The following PPM1L variants were observed in gnomAD, a reference collection of about 807,000 sequenced individuals.
PPM1L encodes the protein protein phosphatase, Mg2+/Mn2+ dependent 1L.
PPM1L carries 13 observed loss-of-function variants against 31.4 expected under a neutral mutation model. The ratio of observed to expected loss-of-function variants is 0.41; its 90% CI spans 0.27 to 0.66. PPM1L has a LOEUF of 0.66. PPM1L is among the 30% of genes least tolerant of loss of function. The pLI is 0.29. For missense variants in PPM1L, 326 were observed against 453.7 expected (o/e 0.72, Z 2.56); for synonymous variants, 184 against 175.4 (o/e 1.05, Z -0.39).
In PPM1L at chr3:161,069,169, G is replaced by A; in HGVS notation, c.*12G>A. On this transcript the variant is annotated 3_prime_UTR_variant, in exon 4 of 4. Transcript: ENST00000498165. ...CAGAAGAGCAGTGAACCCTTCAGGG[G>A]TCTCAGCTGCCTTAGACTAAAGGAC... 1 of 1,592,810 alleles carries A rather than the reference G, an allele frequency of 6.3e-7. No homozygotes were observed. The highest frequency in any genetic ancestry group is 1.1e-5 in the South Asian group (1 of 89,150).
intron 1 of PPM1L, among the ~76,000 whole-genome samples, chr3:160,884,418 CA>C (rs1712839414): frequency 6.6e-6 from 1 of 152,088 alleles, no homozygotes; most frequent in South Asian, 2.1e-4. Context: ...AAAGGAAAGA[CA>C]TTTTAAAGAA....
At chr3:161,017,393 A>G (rs1297328551) in intron 2 of PPM1L, among the ~76,000 whole-genome samples, 3 of 152,156 alleles carry the variant, frequency 2.0e-5, no homozygotes, top group African/African-American at 7.2e-5. Context: ...TCTTGACACA[A>G]TTGATTATGT....
intron 1 of PPM1L, among the ~76,000 whole-genome samples, chr3:160,828,114 C>T (rs1713411265): frequency 6.6e-6 from 1 of 152,056 alleles, no homozygotes; most frequent in Non-Finnish European, 1.5e-5. Context: ...TTGGTGATTA[C>T]ATTTCAGCAT....
chr3:160,870,505 A>G (rs1437774099), intron 1 of PPM1L: 2 of 152,222 alleles, frequency 1.3e-5, no homozygotes, highest in Non-Finnish European at 2.9e-5. Flanking sequence ...AGTTGATGAC[A>G]TCACAGTAAT....
At chr3:161,011,045 C>A (rs907334863) in intron 2 of PPM1L, among the ~76,000 whole-genome samples, 3 of 152,174 alleles carry the variant, frequency 2.0e-5, no homozygotes, top group Admixed American at 2.0e-4. Flanking sequence ...TCAATTTTGG[C>A]TTTTGTTGCC....
At chr3:160,918,563 T>C (rs185746608) in intron 1 of PPM1L, among the ~76,000 whole-genome samples, 1 of 152,314 alleles carries the variant, frequency 6.6e-6, no homozygotes, top group East Asian at 1.9e-4. Context: ...GCATAAATAT[T>C]CTAGCATAAT....
intron 2 of PPM1L, among the ~76,000 whole-genome samples, chr3:161,011,926 A>G (rs1717907829): frequency 6.6e-6 from 1 of 152,158 alleles, no homozygotes; most frequent in African/African-American, 2.4e-5. Context: ...GGCTGAGACG[A>G]TGGGGTTTTC....
intron 2 of PPM1L, among the ~76,000 whole-genome samples, chr3:161,016,663 A>G (rs184370963): frequency 1.3e-5 from 2 of 152,214 alleles, no homozygotes; most frequent in African/African-American, 4.8e-5. Flanking sequence ...GAGGCATGGT[A>G]CAAATATATT....
intron 2 of PPM1L, among the ~76,000 whole-genome samples, chr3:161,031,456 AGAATAGCT>A (rs1718560847): frequency 6.6e-6 from 1 of 150,500 alleles, no homozygotes; most frequent in South Asian, 2.1e-4. Context: ...ACTCTGTGAC[AGAATAGCT>A]CTTCTCTGAC....
At chr3:160,866,231 A>G (rs1712082399) in intron 1 of PPM1L, among the ~76,000 whole-genome samples, 1 of 152,234 alleles carries the variant, frequency 6.6e-6, no homozygotes, top group Admixed American at 6.5e-5. Context: ...TGTATTTAGT[A>G]CTATACAAAA....
chr3:160,928,717 C>G (rs1055497408), intron 1 of PPM1L, among the ~76,000 whole-genome samples: 11 of 152,122 alleles, frequency 7.2e-5, no homozygotes, highest in African/African-American at 2.7e-4. Flanking sequence ...TATAAGAGGG[C>G]TGGAGGGAAC....
chr3:160,811,260 C>T (rs766844390), intron 1 of PPM1L, among the ~76,000 whole-genome samples: 9 of 152,332 alleles, frequency 5.9e-5, no homozygotes, highest in Non-Finnish European at 1.2e-4. Context: ...TCTTCTATCC[C>T]CCTCTTTTCT....
At chr3:160,850,807 A>G (rs988547697) in intron 1 of PPM1L, among the ~76,000 whole-genome samples, 5 of 151,396 alleles carry the variant, frequency 3.3e-5, no homozygotes, top group Non-Finnish European at 7.4e-5. Context: ...GCTCCATGTC[A>G]TGACTCTACC....
intron 1 of PPM1L, among the ~76,000 whole-genome samples, chr3:160,878,270 A>G (rs1485068279): frequency 6.6e-6 from 1 of 151,934 alleles, no homozygotes; most frequent in Non-Finnish European, 1.5e-5. Flanking sequence ...GGCATGGAAT[A>G]GTAGTTCAGG....
intron 2 of PPM1L, among the ~76,000 whole-genome samples, chr3:161,046,280 A>G (rs1719065821): frequency 6.6e-6 from 1 of 152,168 alleles, no homozygotes; most frequent in South Asian, 2.1e-4. Context: ...CCACAGAAAT[A>G]CAAACTACCA....
intron 1 of PPM1L, among the ~76,000 whole-genome samples, chr3:160,835,538 C>A (rs1397344559): frequency 1.3e-5 from 2 of 152,030 alleles, no homozygotes; most frequent in Non-Finnish European, 2.9e-5. Flanking sequence ...AGCTTTTATT[C>A]CCCTTCTCTA....
chr3:161,032,270 C>G (rs987904154), intron 2 of PPM1L, among the ~76,000 whole-genome samples: 1 of 152,186 alleles, frequency 6.6e-6, no homozygotes, highest in African/African-American at 2.4e-5. Context: ...TCACCTTTGT[C>G]CATTTCTCTA....
Position 160,940,208 on chromosome 3 carries a change from A to G in PPM1L, c.400-21528A>G, listed in dbSNP as rs368694629. On this transcript the variant is annotated intron_variant, in intron 1 of 3. Transcript: ENST00000498165. The stretch of plus-strand genomic sequence containing the variant: ...TCAAGAGGTGACTTGGGTACTGTTA[A>G]AGGCATTCAGTTTTATAAGGGAAGC... 5.9e-5 allele frequency among the ~76,000 whole-genome samples: 9 copies of G among 152,330 alleles called. 1 individual carries two copies. Among genetic ancestry groups the G allele is most frequent in the African/African-American group, 2.2e-4 (9 of 41,576 alleles).
chr3:160,875,923 A>G (rs1712492495), intron 1 of PPM1L, among the ~76,000 whole-genome samples: 1 of 152,224 alleles, frequency 6.6e-6, no homozygotes, highest in South Asian at 2.1e-4. Context: ...CATTCAATGT[A>G]ATACACAAAT....
Sources: gnomAD v4.1 joint callset for allele counts (sites outside exome capture counted in the v4.1 genomes callset) on GRCh38, gnomAD v4.1.1 for gene constraint, MANE v1.5 for transcripts, NCBI Gene and HGNC (gene_info 2026-07-23, HGNC 2026-07-21) for gene names.